ALAS1: variants seen among roughly 807,000 people sequenced by gnomAD.
ALAS1 encodes the protein 5'-aminolevulinate synthase 1, also known as 5-aminolevulinate synthase, non-specific, mitochondrial.
ALAS1 carries 29 observed loss-of-function variants against 59.6 expected under a neutral mutation model. That is an observed-to-expected ratio of 0.49 (90% CI 0.36 to 0.66). The LOEUF (loss-of-function observed/expected upper bound fraction) is 0.66. ALAS1 is among the 30% of genes least tolerant of loss of function. The pLI is 0.00. For synonymous variants in ALAS1, 299 were observed against 296.6 expected, an observed-to-expected ratio of 1.01 and a Z score of -0.08; for missense variants, 690 against 807.5, an observed-to-expected ratio of 0.85 and a Z score of 1.76.
At chr3:52,211,876 A>G (rs192796173) in intron 10 of ALAS1, among the ~76,000 whole-genome samples, 1 of 152,272 alleles carries the variant, frequency 6.6e-6, no homozygotes, top group Admixed American at 6.5e-5. Flanking sequence ...GTAAATTTCA[A>G]AATAGGTTTT....
intron 9 of ALAS1, among the ~76,000 whole-genome samples, chr3:52,208,711 G>T (rs1359710260): frequency 6.6e-6 from 1 of 152,168 alleles, no homozygotes; most frequent in African/African-American, 2.4e-5. Context: ...TATGTCTCGT[G>T]GTAGATGGGA....
chr3:52,212,543 T>C (rs762435649), intron 11 of ALAS1, 123 bp downstream of exon 11: 4 of 1,334,300 alleles, frequency 3.0e-6, no homozygotes, highest in South Asian at 1.2e-5. Flanking sequence ...TTTAGTTTTT[T>C]TTTTGAGACA....
rs764042272 is a variant in ALAS1, at chr3:52,211,484, T to C, written c.1532T>C (p.Met511Thr). 2 of 1,614,210 alleles carry C rather than the reference T, an allele frequency of 1.2e-6. No homozygotes were observed. The highest frequency in any genetic ancestry group is 1.7e-6 in the Non-Finnish European group (2 of 1,180,042). Residue 511 changes from methionine to threonine, a missense_variant, in exon 10 of 12, where the codon ATG becomes ACG. Met to Thr is a moderately conservative substitution (Grantham distance 81, BLOSUM62 -1). Coordinates refer to ENST00000484952, the MANE Select transcript of ALAS1 (RefSeq NM_000688.6). ...CAGCACCAGCGCAACGTCAAACTCA[T>C]GAGACAGATGCTAATGGATGCCGGC... ...RRQHQRNVKL[M>T]RQMLMDAGLP...
At chr3:52,209,080 G>A (rs960120609) in intron 9 of ALAS1, among the ~76,000 whole-genome samples, 11 of 152,192 alleles carry the variant, frequency 7.2e-5, no homozygotes, top group Admixed American at 1.3e-4. Context: ...TTTAAAAAGC[G>A]TCCTTCAGCA....
At chr3:52,206,453 G>A in intron 7 of ALAS1, 119 bp from the exon 8 acceptor site, 2 of 1,162,716 alleles carry the variant, frequency 1.7e-6, no homozygotes, top group South Asian at 1.4e-5. Context: ...GGCACACAGT[G>A]TCTTTTTCCT....
intron 1 of ALAS1, 141 bp downstream of exon 1, chr3:52,198,396 T>A: frequency 2.3e-6 from 1 of 436,634 alleles, no homozygotes; most frequent in Non-Finnish European, 4.0e-6. Flanking sequence ...GCGTTTATCC[T>A]CCAGATCTTT....
Position 52,214,269 on chromosome 3 carries a change from TTAAATTTTAATCTA to T in ALAS1, c.*92_*105del. On this transcript the variant is annotated 3_prime_UTR_variant, in exon 12 of 12. Coordinates refer to ENST00000484952, the MANE Select transcript of ALAS1 (RefSeq NM_000688.6). ...GTCTTTATATGTGAATTAAGTTATA[TTAAATTTTAATCTA>T]TAGTAAAAACATAGTCCTGGAAATA... 8.2e-7 allele frequency: 1 copy of T among 1,226,404 alleles called. No homozygotes were observed. Among genetic ancestry groups the T allele is most frequent in the Non-Finnish European group, 1.1e-6 (1 of 897,300 alleles). The allele number at this position is 1,226,404 out of a possible 1,614,324, so 76.0% of individuals were successfully genotyped here. A position where few individuals can be genotyped will look rare whatever the true frequency, so the allele number is the denominator to read the frequency against.
Position 52,211,652 on chromosome 3 carries a change from G to A in ALAS1, c.1599+101G>A, listed in dbSNP as rs546755808. 1.2e-5 allele frequency: 18 copies of A among 1,508,346 alleles called. No homozygotes were observed. In the South Asian group the frequency reaches 2.1e-4, roughly 18 times the overall value. The allele number at this position is 1,508,346 out of a possible 1,614,324, so 93.4% of individuals were successfully genotyped here. On this transcript the variant is annotated intron_variant, in intron 10 of 11. Transcript: ENST00000484952. ...CTTCCTGAAGTTGGGCTTGAGCGGG[G>A]TGACTGCCAGGGCAGGGGTTGTAGC...
chr3:52,204,656 A>G (rs2107269415), intron 5 of ALAS1, 37 bp from the exon 6 acceptor site: 1 of 1,570,754 alleles, frequency 6.4e-7, no homozygotes, highest in South Asian at 1.1e-5. Flanking sequence ...TGTGTTTCAC[A>G]ACCACCATTC....
chr3:52,204,684 A>G lies in ALAS1; in HGVS notation c.578-9A>G. The G allele has an allele frequency of 6.2e-7, 1 of 1,611,542 alleles. No homozygotes were observed. The highest frequency in any genetic ancestry group is 8.5e-7 in the Non-Finnish European group (1 of 1,178,274). On this transcript the variant is annotated splice_polypyrimidine_tract_variant and intron_variant, in intron 5 of 11. Transcript: ENST00000484952. ...CACCATTCTGTACTGTCTTTTGTTC[A>G]ATTTTTAGCTGTTTCCACTTTTCAG...
chr3:52,198,868 CTGCACTG>C lies in ALAS1; in HGVS notation c.-33+25_-33+31del. Reference sequence around the variant, plus strand: ...CTAGATGTAAGCCAAGATGTCTTATCTGCACTGTGCATCTCCCTAAGAAACCTCTGGC... The same window carrying C: ...CTAGATGTAAGCCAAGATGTCTTATCTGCATCTCCCTAAGAAACCTCTGGC... On this transcript the variant is annotated intron_variant, in intron 2 of 11. Transcript: ENST00000484952. 6.5e-7 allele frequency: 1 copy of C among 1,535,572 alleles called. No individual in the cohort carries two copies. Among genetic ancestry groups the C allele is most frequent in the Non-Finnish European group, 8.7e-7 (1 of 1,146,786 alleles).
chr3:52,212,135 C>A, intron 10 of ALAS1, 123 bp from the exon 11 acceptor site: 1 of 845,834 alleles, frequency 1.2e-6, no homozygotes, highest in East Asian at 2.5e-5. Context: ...CTGCCCCAAG[C>A]TTGCATGTGT....
chr3:52,206,484 C>A, intron 7 of ALAS1, 88 bp from the exon 8 acceptor site: 1 of 1,436,892 alleles, frequency 7.0e-7, no homozygotes, highest in South Asian at 1.3e-5. Context: ...TTCAAAGCAT[C>A]ATTTCCAAGG....
rs540568409 is a variant in ALAS1, at chr3:52,212,184, T to C, written c.1600-74T>C. 8.9e-4 allele frequency: 1,241 copies of C among 1,393,542 alleles called. 1 individual carries two copies. The highest frequency in any genetic ancestry group is 1.2e-3 in the Non-Finnish European group (1,182 of 1,003,836). 86.3% of individuals were successfully genotyped at this position (1,393,542 alleles called of 1,614,324 possible). ...TCTTGAGCCTGAGCGTTGTGGGGACTGCGTTCGTTAGGATCTCTGCTAAGA... is the reference window on the plus strand; with the variant it reads ...TCTTGAGCCTGAGCGTTGTGGGGACCGCGTTCGTTAGGATCTCTGCTAAGA... On this transcript the variant is annotated intron_variant, in intron 10 of 11. Coordinates refer to ENST00000484952, the MANE Select transcript of ALAS1 (RefSeq NM_000688.6).
rs147513353 is a variant in ALAS1 at position 52,204,003 on chromosome 3, T to C, written c.568T>C (p.Leu190=). 580 of 1,604,530 alleles carry C rather than the reference T, an allele frequency of 3.6e-4. 1 individual carries two copies. Among genetic ancestry groups the C allele is most frequent in the Admixed American group, 7.6e-4 (44 of 57,780 alleles). The change falls in exon 5 of 12, where the codon TTG becomes CTG. Residue 190 remains leucine, a synonymous_variant. Coordinates refer to ENST00000484952, the MANE Select transcript of ALAS1 (RefSeq NM_000688.6). ...AGTGTCTCATCTTCTTCAAGATAAC[T>C]TGCCAAAATGTAAGTCTCATTGTTA... ...ERVSHLLQDN[L]PKSVSTFQYD...
chr3:52,206,471 A>T (rs1284951976), intron 7 of ALAS1, 101 bp from the exon 8 acceptor site: 1 of 1,357,816 alleles, frequency 7.4e-7, no homozygotes. Flanking sequence ...CCTACTAGGC[A>T]TTTTCAAAGC....
rs149791967 is a variant in ALAS1 at position 52,204,789 on chromosome 3, G to A, written c.674G>A (p.Arg225Gln). ...CGAGTTTTTAAAACTGTGAACCGGC[G>A]AGCACACATCTTCCCCATGGCAGAT... The part of the protein sequence containing the change: ...TYRVFKTVNR[R>Q]AHIFPMADDY... The change falls in exon 6 of 12, where the codon CGA becomes CAA. Residue 225 changes from arginine (R) to glutamine (Q), a missense_variant. Coordinates refer to ENST00000484952, the MANE Select transcript of ALAS1 (RefSeq NM_000688.6). The A allele has an allele frequency of 2.1e-5, 34 of 1,614,010 alleles. No individual in the cohort carries two copies. The highest frequency in any genetic ancestry group is 2.6e-5 in the Non-Finnish European group (31 of 1,180,044).
At chr3:52,207,046 C>A (rs1380270513) in intron 8 of ALAS1, among the ~76,000 whole-genome samples, 2 of 149,988 alleles carry the variant, frequency 1.3e-5, no homozygotes. Flanking sequence ...CTCTGTCACC[C>A]AGGCTGGAGT....
chr3:52,207,001 A>AT (rs770904720), intron 8 of ALAS1, among the ~76,000 whole-genome samples: 3,289 of 125,114 alleles, frequency 0.026, 187 homozygotes, highest in African/African-American at 0.087. Context: ...CGCCTGGCTA[A>AT]TTTTTTTTTT....
Sources: gnomAD v4.1 joint callset for allele counts (sites outside exome capture counted in the v4.1 genomes callset) on GRCh38, gnomAD v4.1.1 for gene constraint, MANE v1.5 for transcripts, NCBI Gene and HGNC (gene_info 2026-07-23, HGNC 2026-07-21) for gene names.